The following STRADB variants were observed in gnomAD, a reference collection of about 807,000 sequenced individuals.
The protein encoded by STRADB is STE20 related adaptor beta, also known as STE20-related kinase adapter protein beta.
Under a neutral mutation model 52.1 loss-of-function variants are expected in STRADB, and 34 were observed. That is an observed-to-expected ratio of 0.65 (90% CI 0.50 to 0.87). The LOEUF (loss-of-function observed/expected upper bound fraction) is 0.87, where lower values mean the gene tolerates loss of function less well. Among genes scored for constraint, STRADB ranks in the 40% least tolerant of loss-of-function variants. The pLI is 0.00. For missense variants in STRADB, 340 were observed against 483.9 expected (o/e 0.70, Z 2.79); for synonymous variants, 133 against 174.5 (o/e 0.76, Z 1.87).
At chr2:201,473,449 TATA>T (rs1952422252) in intron 5 of STRADB, among the ~76,000 whole-genome samples, 1 of 152,212 alleles carries the variant, frequency 6.6e-6, no homozygotes, top group South Asian at 2.1e-4. Context: ...TTGTATTTAA[TATA>T]ATGTTTATTT....
At chr2:201,470,383 T>TA (rs147921822) in intron 4 of STRADB, among the ~76,000 whole-genome samples, 1,886 of 152,364 alleles carry the variant, frequency 0.012, 57 homozygotes, top group African/African-American at 0.043. Flanking sequence ...TCAAGTCATC[T>TA]AAATCTTTTC....
chr2:201,465,829 C>T (rs1290014954), intron 3 of STRADB, among the ~76,000 whole-genome samples: 4 of 152,220 alleles, frequency 2.6e-5, no homozygotes, highest in Non-Finnish European at 5.9e-5. Context: ...GATCTAAATG[C>T]TCCCTCCTTG....
intron 3 of STRADB, among the ~76,000 whole-genome samples, chr2:201,463,631 C>A (rs1952252215): frequency 6.6e-6 from 1 of 152,082 alleles, no homozygotes; most frequent in Admixed American, 6.5e-5. Flanking sequence ...TGATATCTTT[C>A]TCTAGGCTTG....
intron 7 of STRADB, among the ~76,000 whole-genome samples, chr2:201,476,253 A>G (rs934385849): frequency 2.0e-5 from 3 of 152,126 alleles, no homozygotes; most frequent in Non-Finnish European, 4.4e-5. Context: ...AAACAGTGCT[A>G]TTCTAAGATA....
At chr2:201,467,680 T>C (rs1489846679) in intron 3 of STRADB, among the ~76,000 whole-genome samples, 1 of 152,246 alleles carries the variant, frequency 6.6e-6, no homozygotes, top group Non-Finnish European at 1.5e-5. Context: ...TCCTTCATTG[T>C]TGCTGGAACC....
chr2:201,475,188 G>A (rs1034991680), intron 6 of STRADB, among the ~76,000 whole-genome samples: 7 of 152,226 alleles, frequency 4.6e-5, no homozygotes, highest in East Asian at 1.9e-4. Flanking sequence ...CTTGAGGGCC[G>A]GGATCATTTA....
At chr2:201,455,905 C>G (rs1196832099) in intron 2 of STRADB, among the ~76,000 whole-genome samples, 3 of 152,110 alleles carry the variant, frequency 2.0e-5, no homozygotes, top group Non-Finnish European at 4.4e-5. Context: ...GGCTGAGAGG[C>G]AGAACTATGA....
rs904261658 is a variant in STRADB, at chr2:201,474,880, C to A, written c.424+125C>A. 5.3e-6 allele frequency: 4 copies of A among 753,090 alleles called. No homozygotes were observed. In the Admixed American group the frequency reaches 1.4e-4, roughly 26 times the overall value. The allele number at this position is 753,090 out of a possible 1,614,324, so 46.7% of individuals were successfully genotyped here. On this transcript the variant is annotated intron_variant, in intron 6 of 11. Transcript: ENST00000194530. Reference sequence around the variant, plus strand: ...AAGTCTAATGACTGATTTTAGATTTCATGGTATATTTCTATATCTGGTACA... The same window carrying A: ...AAGTCTAATGACTGATTTTAGATTTAATGGTATATTTCTATATCTGGTACA...
At chr2:201,468,715 G>A (rs1246235604) in intron 3 of STRADB, among the ~76,000 whole-genome samples, 1 of 152,144 alleles carries the variant, frequency 6.6e-6, no homozygotes, top group Non-Finnish European at 1.5e-5. Flanking sequence ...TTCCAAGCCT[G>A]TGAATTATAA....
rs564941648 is a variant in STRADB at position 201,455,038 on chromosome 2, G to A, written c.12+186G>A. Reference sequence around the variant, plus strand: ...ATTGAGTTTTTCTTTCTTTCATAAAGAACTTCTCGTATACTTCAATATGTT... The same window carrying A: ...ATTGAGTTTTTCTTTCTTTCATAAAAAACTTCTCGTATACTTCAATATGTT... On this transcript the variant is annotated intron_variant, in intron 2 of 11. Transcript: ENST00000194530. Among the ~76,000 whole-genome samples the A allele has an allele frequency of 2.0e-5, 3 of 152,086 alleles. No individual in the cohort carries two copies. The South Asian group carries it at 6.2e-4, about 32-fold the overall frequency.
rs1359995323 is a variant in STRADB, at chr2:201,469,959, G to C, written c.100G>C (p.Glu34Gln). 1.2e-6 allele frequency: 2 copies of C among 1,613,192 alleles called. No individual in the cohort carries two copies. The highest frequency in any genetic ancestry group is 2.7e-5 in the African/African-American group (2 of 75,026). Residue 34 changes from glutamate (E) to glutamine (Q), a missense_variant, in exon 4 of 12, where the codon GAG (glutamate) becomes CAG (glutamine). Transcript: ENST00000194530. ...ETSIHQYLVD[E>Q]PTLSWSRPST... Reference sequence around the variant, plus strand: ...TCTTTAAAAACAAATGCAGGTTGATGAGCCAACCCTTTCCTGGTCACGTCC... The same window carrying C: ...TCTTTAAAAACAAATGCAGGTTGATCAGCCAACCCTTTCCTGGTCACGTCC...
intron 6 of STRADB, among the ~76,000 whole-genome samples, chr2:201,475,352 A>AT (rs1282359841): frequency 0.015 from 2,236 of 151,502 alleles, 19 homozygotes; most frequent in Non-Finnish European, 0.018. Context: ...GAAAAAAAAA[A>AT]ATATATATAT....
chr2:201,472,325 T>C (rs1293197111), intron 4 of STRADB, among the ~76,000 whole-genome samples: 1 of 152,224 alleles, frequency 6.6e-6, no homozygotes, highest in African/African-American at 2.4e-5. Flanking sequence ...GGCAGCTTTA[T>C]AGTCACCAAA....
At chr2:201,464,203 C>T (rs1477110958) in intron 3 of STRADB, among the ~76,000 whole-genome samples, 9 of 152,120 alleles carry the variant, frequency 5.9e-5, no homozygotes. Context: ...GAAGGCTGAA[C>T]TTATTTGTAC....
At chr2:201,476,546 A>G (rs115167483) in intron 7 of STRADB, among the ~76,000 whole-genome samples, 17 of 152,220 alleles carry the variant, frequency 1.1e-4, no homozygotes, top group Non-Finnish European at 1.9e-4. Flanking sequence ...AAGGAAATGT[A>G]TAAGATATAT....
At chr2:201,474,580 C>A in intron 5 of STRADB, 67 bp from the exon 6 acceptor site, 1 of 1,384,558 alleles carries the variant, frequency 7.2e-7, no homozygotes, top group Non-Finnish European at 1.0e-6. Flanking sequence ...CTGCCACGAC[C>A]GCCATTTTCA....
intron 3 of STRADB, among the ~76,000 whole-genome samples, chr2:201,461,460 A>G (rs773389714): frequency 5.9e-5 from 9 of 152,178 alleles, no homozygotes; most frequent in African/African-American, 9.6e-5. Context: ...GTCTGAGCCA[A>G]TGTGCCCAGA....
intron 5 of STRADB, among the ~76,000 whole-genome samples, chr2:201,473,972 G>A (rs1010303247): frequency 5.4e-5 from 8 of 148,746 alleles, no homozygotes; most frequent in Admixed American, 4.8e-4. Flanking sequence ...CTCACTGCAA[G>A]CTCCGCCTCC....
chr2:201,474,345 C>G (rs1321896244), intron 5 of STRADB, among the ~76,000 whole-genome samples: 2 of 152,124 alleles, frequency 1.3e-5, no homozygotes, highest in African/African-American at 4.8e-5. Context: ...GAACATAGAA[C>G]AGTTGTTAAG....
Sources: allele counts gnomAD v4.1 joint callset (sites outside exome capture counted in the v4.1 genomes callset), GRCh38; gene constraint gnomAD v4.1.1; transcripts MANE v1.5; gene names NCBI Gene and HGNC (gene_info 2026-07-23, HGNC 2026-07-21).